KCTD7: variants seen among roughly 807,000 people sequenced by gnomAD.
KCTD7 encodes the protein potassium channel tetramerization domain containing 7, also known as BTB/POZ domain-containing protein KCTD7.
KCTD7 carries 15 observed loss-of-function variants against 27.0 expected under a neutral mutation model. That is an observed-to-expected ratio of 0.56 (90% CI 0.37 to 0.86). The LOEUF (loss-of-function observed/expected upper bound fraction) is 0.86. Among genes scored for constraint, KCTD7 ranks in the 40% least tolerant of loss-of-function variants. The pLI is 0.00. For missense variants in KCTD7, 299 were observed against 398.9 expected, an observed-to-expected ratio of 0.75 and a Z score of 2.13; for synonymous variants, 159 against 162.7, an observed-to-expected ratio of 0.98 and a Z score of 0.17.
Position 66,640,449 on chromosome 7 carries a change from C to T in KCTD7, c.*1217C>T. 1 of 1,537,256 alleles carries T rather than the reference C, an allele frequency of 6.5e-7. No homozygotes were observed. Among genetic ancestry groups the T allele is most frequent in the Non-Finnish European group, 8.7e-7 (1 of 1,146,884 alleles). On this transcript the variant is annotated 3_prime_UTR_variant, in exon 4 of 4. Transcript: ENST00000639828. ...CTACTGCATTTCCTTCTTGCTCTGT[C>T]TACAGCCTAGGCCAACTAGTCAGGG... is the stretch of plus-strand genomic sequence containing the variant.
At position 66,642,028 on chromosome 7, in the gene KCTD7, G is replaced by A. The variant is rs1786730413; in HGVS notation, c.*2796G>A. The A allele has an allele frequency of 1.0e-6, 1 of 985,312 alleles. No homozygotes were observed. Among genetic ancestry groups the A allele is most frequent in the Admixed American group, 6.2e-5 (1 of 16,254 alleles). 61.0% of individuals were successfully genotyped at this position (985,312 alleles called of 1,614,324 possible). On this transcript the variant is annotated 3_prime_UTR_variant, in exon 4 of 4. Transcript: ENST00000639828. ...CTTGACAAGGGACTGGATTCATCTTGCCTTGAGACGGGCCAGTAGTTATCA... is the reference window on the plus strand; with the variant it reads ...CTTGACAAGGGACTGGATTCATCTTACCTTGAGACGGGCCAGTAGTTATCA...
intron 2 of KCTD7, 51 bp downstream of exon 2, chr7:66,633,495 G>C (rs3764903): frequency 1.3e-6 from 2 of 1,567,574 alleles, no homozygotes; most frequent in Non-Finnish European, 1.8e-6. Flanking sequence ...GGTGATTAGC[G>C]TAGGCTTGAG....
chr7:66,635,916 T>G (rs1638733), intron 2 of KCTD7, among the ~76,000 whole-genome samples: 18,978 of 103,192 alleles, frequency 0.18, 1,017 homozygotes, highest in African/African-American at 0.19. Context: ...TCACCAAGGT[T>G]TGCTGAAGAT....
At chr7:66,636,371 A>C (rs1222369010) in intron 2 of KCTD7, among the ~76,000 whole-genome samples, 1 of 151,658 alleles carries the variant, frequency 6.6e-6, no homozygotes, top group Non-Finnish European at 1.5e-5. Context: ...ATGTTCCTGA[A>C]CCTGTCTGGG....
rs1172380297 is a variant in KCTD7 at position 66,641,689 on chromosome 7, G to A, written c.*2457G>A. 2 of 985,334 alleles carry A rather than the reference G, an allele frequency of 2.0e-6. No homozygotes were observed. Among genetic ancestry groups the A allele is most frequent in the Non-Finnish European group, 2.4e-6 (2 of 829,954 alleles). 61.0% of individuals were successfully genotyped at this position (985,334 alleles called of 1,614,324 possible). A position where few individuals can be genotyped will look rare whatever the true frequency, so the allele number is the denominator to read the frequency against. ...GCAGAGAGGTGACACTGGGCAGCAA[G>A]CTGAGAGCTCTTTCTAAATGGAGTG... On this transcript the variant is annotated 3_prime_UTR_variant, in exon 4 of 4. Transcript: ENST00000639828.
Position 66,629,133 on chromosome 7 carries a change from C to G in KCTD7, c.69C>G (p.Ala23=), listed in dbSNP as rs1584392832. 6.5e-7 allele frequency: 1 copy of G among 1,536,318 alleles called. No homozygotes were observed. Among genetic ancestry groups the G allele is most frequent in the Non-Finnish European group, 8.7e-7 (1 of 1,143,614 alleles). Reference sequence around the variant, plus strand: ...ACGGTGCCATGTCCAGCTCTGACGCCGAAGACGACTTTCTGGAGCCGGCCA... The same window carrying G: ...ACGGTGCCATGTCCAGCTCTGACGCGGAAGACGACTTTCTGGAGCCGGCCA... ...RQDGAMSSSD[A]EDDFLEPATP... Residue 23 remains alanine, a synonymous_variant, in exon 1 of 4, where the codon GCC becomes GCG. Transcript: ENST00000639828.
In KCTD7 at chr7:66,638,636, T is replaced by C. The variant is rs1438846304; in HGVS notation, c.493+205T>C. The C allele has an allele frequency of 3.2e-5, 25 of 774,684 alleles. No homozygotes were observed. In the East Asian group the frequency reaches 6.7e-4, roughly 21 times the overall value. 48.0% of individuals were successfully genotyped at this position (774,684 alleles called of 1,614,324 possible). The stretch of plus-strand genomic sequence containing the variant: ...GCCTATGACAGTTAGCAAATTGTAT[T>C]TCAGAAGGACAGCCCTCGTCCCATT... On this transcript the variant is annotated intron_variant, in intron 3 of 3. Coordinates refer to ENST00000639828, the MANE Select transcript of KCTD7 (RefSeq NM_153033.5).
intron 3 of KCTD7, 196 bp from the exon 4 acceptor site, chr7:66,638,660 T>C: frequency 1.3e-6 from 1 of 792,256 alleles, no homozygotes; most frequent in East Asian, 2.7e-5. Flanking sequence ...CCTCGTCCCA[T>C]TGGCTTCCCT....
At chr7:66,633,819 C>G (rs1414986647) in intron 2 of KCTD7, among the ~76,000 whole-genome samples, 1 of 151,666 alleles carries the variant, frequency 6.6e-6, no homozygotes, top group Admixed American at 6.6e-5. Flanking sequence ...GAAACCCCAT[C>G]TCTACTAAAA....
chr7:66,634,320 T>A (rs370086953), intron 2 of KCTD7, among the ~76,000 whole-genome samples: 2 of 151,790 alleles, frequency 1.3e-5, no homozygotes, highest in African/African-American at 4.8e-5. Context: ...CCTAAAATGC[T>A]GGTATTACAG....
rs191987598 is a variant in KCTD7, at chr7:66,630,536, C to A, written c.144+1328C>A. ...CCAGGAGCATGTGGTATGCGGAGTC[C>A]CAGGACAATGGAGGCCCTCAACAAT... is the stretch of plus-strand genomic sequence containing the variant. On this transcript the variant is annotated intron_variant, in intron 1 of 3. Transcript: ENST00000639828. Among the ~76,000 whole-genome samples, 6 of 152,250 alleles carry A rather than the reference C, an allele frequency of 3.9e-5. No homozygotes were observed. The East Asian group carries it at 1.2e-3, about 29-fold the overall frequency.
intron 1 of KCTD7, among the ~76,000 whole-genome samples, chr7:66,631,242 AG>A (rs1786434820): frequency 6.6e-6 from 1 of 152,230 alleles, no homozygotes; most frequent in South Asian, 2.1e-4. Context: ...AAGCTGGGAA[AG>A]GTACTGTGTA....
At chr7:66,638,146 T>G in intron 2 of KCTD7, 107 bp from the exon 3 acceptor site, 2 of 1,150,804 alleles carry the variant, frequency 1.7e-6, no homozygotes, top group Non-Finnish European at 2.6e-6. Context: ...ATTTACCCAG[T>G]GTAACACAGC....
intron 1 of KCTD7, among the ~76,000 whole-genome samples, chr7:66,631,244 G>T (rs1199251003): frequency 3.3e-5 from 5 of 152,196 alleles, no homozygotes; most frequent in Admixed American, 6.5e-5. Context: ...GCTGGGAAAG[G>T]TACTGTGTAG....
intron 2 of KCTD7, among the ~76,000 whole-genome samples, chr7:66,634,108 G>GTATATATATATATATATATA (rs1488784247): frequency 1.2e-5 from 1 of 85,846 alleles, no homozygotes; most frequent in African/African-American, 6.2e-5. Context: ...ATGGGTGTGT[G>GTATATATATATATATATATA]TATACATATA....
rs1562649917 is a variant in KCTD7 at position 66,638,835 on chromosome 7, GTGT to G, written c.494-17_494-15del. On this transcript the variant is annotated intron_variant, in intron 3 of 3. Coordinates refer to ENST00000639828, the MANE Select transcript of KCTD7 (RefSeq NM_153033.5). ...TCCTGCCTCTTCACCCTAGTGATAG[GTGT>G]TGTGTTCATCCTTATAGACCACTTG... 1.2e-6 allele frequency: 2 copies of G among 1,613,682 alleles called. No homozygotes were observed. The highest frequency in any genetic ancestry group is 1.7e-6 in the Non-Finnish European group (2 of 1,179,988).
rs1030069313 is a variant in KCTD7 at position 66,628,922 on chromosome 7, T to G, written c.-143T>G. 48 of 793,824 alleles carry G rather than the reference T, an allele frequency of 6.0e-5. No individual in the cohort carries two copies. Among genetic ancestry groups the G allele is most frequent in the African/African-American group, 7.4e-5 (4 of 54,278 alleles). 49.2% of individuals were successfully genotyped at this position (793,824 alleles called of 1,614,324 possible). On this transcript the variant is annotated 5_prime_UTR_variant, in exon 1 of 4. Transcript: ENST00000639828. The stretch of plus-strand genomic sequence containing the variant: ...GTCGGCGTTGAGGGAGCCACCGCCC[T>G]CCCGCCTGCGCACTGCCTCTCGCCC...
chr7:66,638,155 G>C, intron 2 of KCTD7, 98 bp from the exon 3 acceptor site: 1 of 1,246,920 alleles, frequency 8.0e-7, no homozygotes, highest in Non-Finnish European at 1.2e-6. Flanking sequence ...GTGTAACACA[G>C]CTGGCAGTCT....
Position 66,633,378 on chromosome 7 carries a change from GGC to G in KCTD7, c.250_251del (p.Arg84AlafsTer119). 6.2e-7 allele frequency: 1 copy of G among 1,614,028 alleles called. No individual in the cohort carries two copies. Among genetic ancestry groups the G allele is most frequent in the Non-Finnish European group, 8.5e-7 (1 of 1,179,976 alleles). ...ACCATGTTGGCAGCCATGTTCAGTG[GGC>G]GGCACTACATCCCCACGGACTCCGA... On this transcript the variant is annotated frameshift_variant, in exon 2 of 4. Transcript: ENST00000639828. LOFTEE classifies it high-confidence loss of function.
Sources: gnomAD v4.1 joint callset for allele counts (sites outside exome capture counted in the v4.1 genomes callset) on GRCh38, gnomAD v4.1.1 for gene constraint, MANE v1.5 for transcripts, NCBI Gene and HGNC (gene_info 2026-07-23, HGNC 2026-07-21) for gene names.